Variants in GPC3 observed in about 807,000 individuals in gnomAD.
GPC3 encodes glypican-3.
GPC3 carries 3 observed loss-of-function variants against 34.4 expected under a neutral mutation model. That is an observed-to-expected ratio of 0.09 (90% confidence interval 0.04 to 0.23). The LOEUF (loss-of-function observed/expected upper bound fraction) is 0.23. Among genes scored for constraint, GPC3 ranks in the 10% least tolerant of loss-of-function variants. GPC3 has a pLI of 1.00. For missense variants in GPC3, 351 were observed against 445.6 expected (o/e 0.79, Z 1.91); for synonymous variants, 177 against 174.0 (o/e 1.02, Z -0.13).
chrX:133,795,928 G>A (rs1021129153), intron 2 of GPC3, among the ~76,000 whole-genome samples: 1 of 105,398 alleles, frequency 9.5e-6, no homozygotes. Context: ...GGCTATAAGA[G>A]CCATTTTCTT....
intron 2 of GPC3, among the ~76,000 whole-genome samples, chrX:133,841,722 T>A (rs2075825188): frequency 8.9e-6 from 1 of 111,815 alleles, no homozygotes; most frequent in Non-Finnish European, 1.9e-5. Flanking sequence ...CTTAGGTGTG[T>A]CTGTGTGGGT....
At chrX:133,703,249 T>C (rs1268696595) in intron 3 of GPC3, among the ~76,000 whole-genome samples, 1 of 111,637 alleles carries the variant, frequency 9.0e-6, no homozygotes, top group African/African-American at 3.3e-5. Flanking sequence ...CCTTTAAATT[T>C]GGTTAGTTGG....
chrX:133,671,011 C>T (rs1420512378), intron 5 of GPC3: 1 of 537,674 alleles, frequency 1.9e-6, no homozygotes, highest in African/African-American at 2.3e-5. Flanking sequence ...AAGTTCATGA[C>T]CAACCGACTA....
At chrX:133,558,903 G>GTAAATAAATAAA (rs755481125) in intron 7 of GPC3, among the ~76,000 whole-genome samples, 2 of 102,601 alleles carry the variant, frequency 1.9e-5, no homozygotes, top group African/African-American at 7.4e-5. Flanking sequence ...AAATAAGTAA[G>GTAAATAAATAAA]TAAATAAATA....
intron 3 of GPC3, among the ~76,000 whole-genome samples, chrX:133,709,042 T>A (rs757501527): frequency 1.6e-4 from 18 of 112,226 alleles, no homozygotes; most frequent in Non-Finnish European, 3.2e-4. Flanking sequence ...TAAACTTAAT[T>A]GGCCATGTTT....
At chrX:133,584,066 T>C (rs186995892) in intron 7 of GPC3, among the ~76,000 whole-genome samples, 1 of 111,970 alleles carries the variant, frequency 8.9e-6, no homozygotes, top group East Asian at 2.8e-4. Flanking sequence ...CTGTGTTGAC[T>C]GGAACAGGAA....
intron 5 of GPC3, among the ~76,000 whole-genome samples, chrX:133,678,415 G>A (rs1367725352): frequency 3.6e-5 from 4 of 111,478 alleles, no homozygotes; most frequent in Non-Finnish European, 7.5e-5. Context: ...GTGAGCTGCA[G>A]CTCTCCCAGC....
At chrX:133,551,891 C>G (rs1311328416) in intron 7 of GPC3, among the ~76,000 whole-genome samples, 1 of 112,280 alleles carries the variant, frequency 8.9e-6, no homozygotes, top group African/African-American at 3.2e-5. Flanking sequence ...TTCCTCTTCT[C>G]TCTTTCTTCA....
At chrX:133,588,878 A>G (rs1485953723) in intron 7 of GPC3, among the ~76,000 whole-genome samples, 1 of 111,962 alleles carries the variant, frequency 8.9e-6, no homozygotes, top group Non-Finnish European at 1.9e-5. Context: ...GTTATAATCC[A>G]ATGATACTAA....
At chrX:133,615,341 C>T (rs2070149675) in intron 6 of GPC3, among the ~76,000 whole-genome samples, 1 of 111,640 alleles carries the variant, frequency 9.0e-6, no homozygotes, top group Non-Finnish European at 1.9e-5. Flanking sequence ...AAGGATTATA[C>T]ACCATAACCA....
intron 1 of GPC3, among the ~76,000 whole-genome samples, chrX:133,973,567 C>T (rs554593435): frequency 8.9e-6 from 1 of 112,396 alleles, no homozygotes; most frequent in African/African-American, 3.2e-5. Context: ...CTGATGAAGG[C>T]AATCTCTTAA....
intron 7 of GPC3, among the ~76,000 whole-genome samples, chrX:133,583,148 C>T (rs1389203866): frequency 3.6e-5 from 4 of 111,281 alleles, no homozygotes; most frequent in Non-Finnish European, 7.5e-5. Context: ...ATTCTCTTCT[C>T]CACTCCTCTT....
At chrX:133,797,739 A>G (rs1262011850) in intron 2 of GPC3, among the ~76,000 whole-genome samples, 1 of 110,870 alleles carries the variant, frequency 9.0e-6, no homozygotes, top group Non-Finnish European at 1.9e-5. Flanking sequence ...CTGAGGCAGA[A>G]GAATCGCTTG....
chrX:133,812,786 C>T (rs1417135845), intron 2 of GPC3, among the ~76,000 whole-genome samples: 1 of 112,217 alleles, frequency 8.9e-6, no homozygotes, highest in Non-Finnish European at 1.9e-5. Flanking sequence ...CCCTGTGAGC[C>T]TCTCTCTGGC....
At chrX:133,942,103 C>A (rs774836439) in intron 2 of GPC3, among the ~76,000 whole-genome samples, 1 of 111,559 alleles carries the variant, frequency 9.0e-6, no homozygotes, top group Admixed American at 9.6e-5. Flanking sequence ...ATGCCTGTAT[C>A]AAAACATCTA....
chrX:133,880,595 CT>C (rs1320511561), intron 2 of GPC3, among the ~76,000 whole-genome samples: 6 of 111,904 alleles, frequency 5.4e-5, no homozygotes, highest in Non-Finnish European at 7.5e-5. Context: ...ATTCAATCTT[CT>C]ATTTGATAAC....
rs745676659 is a variant in GPC3, at chrX:133,958,727, A to C, written c.176-5516T>G. 3.4e-3 allele frequency among the ~76,000 whole-genome samples: 360 copies of C among 106,015 alleles called. 3 individuals carry two copies. The highest frequency in any genetic ancestry group is 0.012 in the African/African-American group (342 of 29,167). 92.1% of individuals were successfully genotyped at this position (106,015 alleles called of 115,157 possible). A position where few individuals can be genotyped will look rare whatever the true frequency, so the allele number is the denominator to read the frequency against. On this transcript the variant is annotated intron_variant, in intron 1 of 7. Coordinates refer to ENST00000370818, the MANE Select transcript of GPC3 (RefSeq NM_004484.4). ...CTCTACTGAAAAAAAAAAAAAACAA[A>C]AAAAAAAAACAGCCAGGCAATGATG...
intron 2 of GPC3, among the ~76,000 whole-genome samples, chrX:133,907,016 G>T (rs913259985): frequency 9.1e-6 from 1 of 109,325 alleles, no homozygotes; most frequent in Admixed American, 9.8e-5. Context: ...AAGGAGAATC[G>T]CTTGAACCCG....
At chrX:133,646,895 G>A (rs1434696639) in intron 6 of GPC3, among the ~76,000 whole-genome samples, 4 of 111,650 alleles carry the variant, frequency 3.6e-5, no homozygotes, top group South Asian at 3.8e-4. Flanking sequence ...CAGGTTCTTC[G>A]CAAGTTGAGG....
Sources: allele counts gnomAD v4.1 joint callset (sites outside exome capture counted in the v4.1 genomes callset), GRCh38; gene constraint gnomAD v4.1.1; transcripts MANE v1.5; gene names NCBI Gene and HGNC (gene_info 2026-07-23, HGNC 2026-07-21).